Variants in SLC71A1 observed in about 807,000 individuals in gnomAD.
The protein encoded by SLC71A1 is hippocampus abundant gene transcript 1.
At chr1:100,081,142 C>T in the SLC71A1 span, among the ~76,000 whole-genome samples, 1 of 152,168 alleles carries the variant, frequency 6.6e-6, no homozygotes, top group Non-Finnish European at 1.5e-5. Flanking sequence ...TCTTCCAACC[C>T]ACTAAGACTA....
chr1:100,062,634 C>A, the SLC71A1 span, among the ~76,000 whole-genome samples: 6 of 152,056 alleles, frequency 3.9e-5, no homozygotes, highest in African/African-American at 1.5e-4. Context: ...AAATGTGAGA[C>A]AAATACCTTG....
the SLC71A1 span, chr1:100,068,023 G>T: frequency 6.2e-7 from 1 of 1,614,162 alleles, no homozygotes; most frequent in Non-Finnish European, 8.5e-7. Flanking sequence ...CCTGCAATTG[G>T]AGCTTATCTT....
chr1:100,065,286 T>G, the SLC71A1 span, among the ~76,000 whole-genome samples: 1 of 152,224 alleles, frequency 6.6e-6, no homozygotes, highest in Non-Finnish European at 1.5e-5. Flanking sequence ...TTCAAATAAT[T>G]GACCTTTGAA....
the SLC71A1 span, among the ~76,000 whole-genome samples, chr1:100,041,557 C>T: frequency 6.6e-6 from 1 of 152,182 alleles, no homozygotes; most frequent in Non-Finnish European, 1.5e-5. Flanking sequence ...AATATTTAAT[C>T]ATATACTGTA....
At chr1:100,058,680 C>T in the SLC71A1 span, 3 of 1,569,776 alleles carry the variant, frequency 1.9e-6, no homozygotes. Flanking sequence ...TACATGAAAC[C>T]TTTCCTAAAC....
At chr1:100,071,289 C>CAAAAAAAAAAAAAAAAA in the SLC71A1 span, among the ~76,000 whole-genome samples, 33 of 53,390 alleles carry the variant, frequency 6.2e-4, no homozygotes, top group South Asian at 1.4e-3. Context: ...CCATCTCTAC[C>CAAAAAAAAAAAAAAAAA]AAAAAAAAAA....
chr1:100,068,964 A>C, the SLC71A1 span, among the ~76,000 whole-genome samples: 37 of 152,234 alleles, frequency 2.4e-4, no homozygotes, highest in African/African-American at 8.9e-4. Flanking sequence ...CCTGGGTAAC[A>C]AGAGCGAAAC....
the SLC71A1 span, among the ~76,000 whole-genome samples, chr1:100,042,669 G>A: frequency 6.6e-6 from 1 of 151,616 alleles, no homozygotes. Context: ...GTGCAATGGC[G>A]TGATCTTGGC....
At chr1:100,063,895 A>T in the SLC71A1 span, among the ~76,000 whole-genome samples, 1 of 152,194 alleles carries the variant, frequency 6.6e-6, no homozygotes, top group Non-Finnish European at 1.5e-5. Context: ...AAGGGAAATG[A>T]CATGAAACAA....
chr1:100,064,952 T>TC, the SLC71A1 span, among the ~76,000 whole-genome samples: 2 of 152,064 alleles, frequency 1.3e-5, no homozygotes, highest in African/African-American at 4.8e-5. Context: ...GTGGTGCCGT[T>TC]ACAGCTCACT....
chr1:100,056,136 A>AT, the SLC71A1 span, among the ~76,000 whole-genome samples: 50 of 152,224 alleles, frequency 3.3e-4, no homozygotes, highest in Middle Eastern at 0.027. Flanking sequence ...TATTTATTCT[A>AT]TTTTTTTGTG....
At chr1:100,038,261 C>T in the SLC71A1 span, 7 of 1,560,682 alleles carry the variant, frequency 4.5e-6, no homozygotes, top group East Asian at 7.2e-5. Flanking sequence ...AAGAAACGGG[C>T]CGCGAACCGC....
the SLC71A1 span, among the ~76,000 whole-genome samples, chr1:100,048,812 T>C: frequency 6.6e-6 from 1 of 152,156 alleles, no homozygotes; most frequent in African/African-American, 2.4e-5. Flanking sequence ...TAATCAGTGC[T>C]CAAAGACAAT....
the SLC71A1 span, among the ~76,000 whole-genome samples, chr1:100,057,458 G>A: frequency 1.3e-5 from 2 of 151,132 alleles, no homozygotes; most frequent in Admixed American, 6.6e-5. Flanking sequence ...GGGTTTAAGC[G>A]ATTCTTCTGC....
At chr1:100,053,116 A>G in the SLC71A1 span, among the ~76,000 whole-genome samples, 6,903 of 152,338 alleles carry the variant, frequency 0.045, 187 homozygotes, top group African/African-American at 0.064. Context: ...TGACCCTGTT[A>G]TATATTCAGT....
At chr1:100,081,918 A>G in the SLC71A1 span, 4 of 1,022,880 alleles carry the variant, frequency 3.9e-6, no homozygotes, top group Non-Finnish European at 5.9e-6. Flanking sequence ...CTTGTAATTC[A>G]TAAGTTAATA....
the SLC71A1 span, among the ~76,000 whole-genome samples, chr1:100,056,657 G>A: frequency 6.6e-6 from 1 of 152,162 alleles, no homozygotes; most frequent in African/African-American, 2.4e-5. Context: ...TAGGAGTACA[G>A]CTATCTCTTC....
chr1:100,038,195 G>C, the SLC71A1 span: 1 of 1,524,666 alleles, frequency 6.6e-7, no homozygotes, highest in Non-Finnish European at 8.9e-7. Context: ...GCCGCCCCGG[G>C]AGTGGCTGCA....
chr1:100,063,761 G>T, the SLC71A1 span, among the ~76,000 whole-genome samples: 2 of 152,144 alleles, frequency 1.3e-5, no homozygotes, highest in Non-Finnish European at 2.9e-5. Flanking sequence ...GCACCACTGC[G>T]CTCCAACATG....
Sources: allele counts gnomAD v4.1 joint callset (sites outside exome capture counted in the v4.1 genomes callset), GRCh38; gene constraint gnomAD v4.1.1; transcripts MANE v1.5; gene names NCBI Gene and HGNC (gene_info 2026-07-23, HGNC 2026-07-21).